The following ATXN10 variants were observed in gnomAD, a reference collection of about 807,000 sequenced individuals.
ATXN10 encodes ataxin 10.
ATXN10 carries 28 observed loss-of-function variants against 52.9 expected under a neutral mutation model. The ratio of observed to expected loss-of-function variants is 0.53; its 90% CI spans 0.39 to 0.73. The LOEUF (loss-of-function observed/expected upper bound fraction) is 0.73. ATXN10 is among the 30% of genes least tolerant of loss of function. The pLI, the probability that ATXN10 is intolerant of heterozygous loss-of-function variation, is 0.00. For synonymous variants in ATXN10, 226 were observed against 221.5 expected (o/e 1.02, Z -0.18); for missense variants, 565 against 577.0 (o/e 0.98, Z 0.21).
chr22:45,697,877 G>A (rs530820235), intron 3 of ATXN10, among the ~76,000 whole-genome samples: 5 of 151,814 alleles, frequency 3.3e-5, no homozygotes, highest in South Asian at 4.2e-4. Flanking sequence ...TGATCCGCCC[G>A]CCTCGGCCTC....
At position 45,787,093 on chromosome 22, in the gene ATXN10, T is replaced by C. The variant is rs1417998501; in HGVS notation, c.1174-19866T>C. 2.0e-5 allele frequency among the ~76,000 whole-genome samples: 3 copies of C among 152,206 alleles called. No homozygotes were observed. The highest frequency in any genetic ancestry group is 4.8e-5 in the African/African-American group (2 of 41,448). On this transcript the variant is annotated intron_variant, in intron 9 of 11. Coordinates refer to ENST00000252934, the MANE Select transcript of ATXN10 (RefSeq NM_013236.4). The surrounding 1 kb of genome is among the most constrained non-coding windows in gnomAD (Gnocchi z 4.2). ...TTAGAAAATCACATTTTCAAATAAT[T>C]TTTATTGTATGGAAAGATCTAAAAT...
chr22:45,833,919 C>G lies in ATXN10; in HGVS notation c.1238-9072C>G, dbSNP rs1260974558. On this transcript the variant is annotated intron_variant, in intron 10 of 11. Coordinates refer to ENST00000252934, the MANE Select transcript of ATXN10 (RefSeq NM_013236.4). The surrounding 1 kb of genome is among the most constrained non-coding windows in gnomAD (Gnocchi z 4.3). Reference sequence around the variant, plus strand: ...CCTGACTGCCTACTTCCAAATCCACCTTGAACACATCCAGTTGCGGGACCT... The same window carrying G: ...CCTGACTGCCTACTTCCAAATCCACGTTGAACACATCCAGTTGCGGGACCT... Among the ~76,000 whole-genome samples the G allele has an allele frequency of 6.6e-6, 1 of 152,204 alleles. No individual in the cohort carries two copies. Among genetic ancestry groups the G allele is most frequent in the Non-Finnish European group, 1.5e-5 (1 of 68,040 alleles).
intron 10 of ATXN10, among the ~76,000 whole-genome samples, chr22:45,812,251 A>G (rs1196894674): frequency 6.6e-6 from 1 of 152,200 alleles, no homozygotes; most frequent in Non-Finnish European, 1.5e-5. Context: ...ATATGTGTGC[A>G]TTTATGTCTG....
chr22:45,673,334 C>T (rs575226314), intron 1 of ATXN10: 1 of 152,376 alleles, frequency 6.6e-6, no homozygotes, highest in African/African-American at 2.4e-5. Context: ...CTTGGGTCAG[C>T]CTAGGTGATC....
chr22:45,735,589 A>G (rs534350451), intron 7 of ATXN10, among the ~76,000 whole-genome samples: 10 of 152,218 alleles, frequency 6.6e-5, no homozygotes, highest in East Asian at 1.9e-4. Context: ...AAACTGATCT[A>G]TCAACAAAGT....
At chr22:45,814,926 A>G in intron 10 of ATXN10, among the ~76,000 whole-genome samples, 1 of 152,226 alleles carries the variant, frequency 6.6e-6, no homozygotes, top group East Asian at 1.9e-4. Flanking sequence ...TTGAGGTGGA[A>G]CAGTTTCATC....
rs1405644567 is a variant in ATXN10 at position 45,715,789 on chromosome 22, A to G, written c.648-2624A>G. On this transcript the variant is annotated intron_variant, in intron 5 of 11. Coordinates refer to ENST00000252934, the MANE Select transcript of ATXN10 (RefSeq NM_013236.4). The surrounding 1 kb of genome is among the most constrained non-coding windows in gnomAD (Gnocchi z 4.4). The stretch of plus-strand genomic sequence containing the variant: ...AGGTAGACCATAGGCTGGCCTGTAC[A>G]AAAGTTTCAGTAAATGTGTAAGGGA... Among the ~76,000 whole-genome samples the G allele has an allele frequency of 6.6e-6, 1 of 152,226 alleles. No homozygotes were observed. Among genetic ancestry groups the G allele is most frequent in the Admixed American group, 6.5e-5 (1 of 15,274 alleles).
In ATXN10 at chr22:45,709,870, A is replaced by G. The variant is rs368483588; in HGVS notation, c.647+7023A>G. 1.4e-3 allele frequency among the ~76,000 whole-genome samples: 215 copies of G among 152,164 alleles called. 6 individuals carry two copies. In the South Asian group the frequency reaches 0.042, roughly 30 times the overall value. On this transcript the variant is annotated intron_variant, in intron 5 of 11. Transcript: ENST00000252934. ...TTATCCTTCAGTAACTGGTACCACC[A>G]TTTACTCGTTTGCTGAGGCCTGGAA... is the stretch of plus-strand genomic sequence containing the variant.
Position 45,787,423 on chromosome 22 carries a change from C to T in ATXN10, c.1174-19536C>T, listed in dbSNP as rs146002252. On this transcript the variant is annotated intron_variant, in intron 9 of 11. Coordinates refer to ENST00000252934, the MANE Select transcript of ATXN10 (RefSeq NM_013236.4). The surrounding 1 kb of genome is among the most constrained non-coding windows in gnomAD (Gnocchi z 4.2). ...TCCTGGCCCCTTTTCCCTCAAGGCA[C>T]TAGGGAGACAGGAGGGCCCAGGAAA... Among the ~76,000 whole-genome samples the T allele has an allele frequency of 6.6e-6, 1 of 152,302 alleles. No homozygotes were observed. Among genetic ancestry groups the T allele is most frequent in the Admixed American group, 6.5e-5 (1 of 15,300 alleles).
At chr22:45,822,955 A>C (rs899588058) in intron 10 of ATXN10, among the ~76,000 whole-genome samples, 5 of 152,148 alleles carry the variant, frequency 3.3e-5, no homozygotes, top group African/African-American at 1.2e-4. Flanking sequence ...ACTTTTTTCT[A>C]TATCCAGGAT....
chr22:45,830,683 A>G (rs545245573), intron 10 of ATXN10, among the ~76,000 whole-genome samples: 2 of 151,300 alleles, frequency 1.3e-5, no homozygotes, highest in South Asian at 2.1e-4. Context: ...GATAGCCACT[A>G]TACAAAACAA....
chr22:45,800,436 G>A (rs112824330), intron 9 of ATXN10, among the ~76,000 whole-genome samples: 4 of 152,276 alleles, frequency 2.6e-5, no homozygotes, highest in African/African-American at 7.2e-5. Flanking sequence ...TGCCTAAAAC[G>A]GCTGACAACA....
rs1928598018 is a variant in ATXN10, at chr22:45,820,061, T to A, written c.1237+13039T>A. 6.6e-6 allele frequency among the ~76,000 whole-genome samples: 1 copy of A among 152,212 alleles called. No individual in the cohort carries two copies. The highest frequency in any genetic ancestry group is 2.1e-4 in the South Asian group (1 of 4,834). ...GTTGGACTGTAACTCCTGGGCTGTT[T>A]TATTTTGAGATGATCATTTCTATCA... On this transcript the variant is annotated intron_variant, in intron 10 of 11. Transcript: ENST00000252934. This position sits in a 1 kb window ranked among gnomAD's most constrained non-coding sequence, Gnocchi z 4.9.
At chr22:45,679,023 C>T (rs189567109) in intron 1 of ATXN10, 78 of 152,314 alleles carry the variant, frequency 5.1e-4, no homozygotes, top group African/African-American at 1.8e-3. Context: ...ACACACTCTT[C>T]ATTTTCCCTC....
In ATXN10 at chr22:45,690,055, T is replaced by C; in HGVS notation, c.308+152T>C. On this transcript the variant is annotated intron_variant, in intron 2 of 11. Transcript: ENST00000252934. The surrounding 1 kb of genome is among the most constrained non-coding windows in gnomAD (Gnocchi z 4.5). ...TGGGAGGCTGAGGCAGGAGGATTGC[T>C]TGAGTCCAGGAGTTCAAGACCGGCC... 2.5e-6 allele frequency: 2 copies of C among 786,798 alleles called. No homozygotes were observed. The highest frequency in any genetic ancestry group is 4.2e-6 in the Non-Finnish European group (2 of 471,036). 48.7% of individuals were successfully genotyped at this position (786,798 alleles called of 1,614,324 possible). A position where few individuals can be genotyped will look rare whatever the true frequency, so the allele number is the denominator to read the frequency against.
At chr22:45,695,168 CA>C (rs1363055383) in intron 3 of ATXN10, among the ~76,000 whole-genome samples, 2 of 148,460 alleles carry the variant, frequency 1.3e-5, no homozygotes, top group Non-Finnish European at 3.0e-5. Context: ...AGTAAAAATA[CA>C]AAAAATTAGC....
In ATXN10 at chr22:45,736,606, T is replaced by C. The variant is rs117675442; in HGVS notation, c.895-2125T>C. ...CTTATTTGTTGGAGAAACTGGGTTG[T>C]TTTTCCTGTAGACTTTTCTAGATTT... On this transcript the variant is annotated intron_variant, in intron 7 of 11. Transcript: ENST00000252934. Among the ~76,000 whole-genome samples, 588 of 152,260 alleles carry C rather than the reference T, an allele frequency of 3.9e-3. 12 individuals are homozygous for C. The highest frequency in any genetic ancestry group is 0.025 in the Admixed American group (376 of 15,304).
At chr22:45,796,906 A>G (rs999365822) in intron 9 of ATXN10, among the ~76,000 whole-genome samples, 15 of 152,236 alleles carry the variant, frequency 9.9e-5, no homozygotes, top group African/African-American at 3.6e-4. Flanking sequence ...ATACCATGTA[A>G]ACACTTATAA....
chr22:45,793,677 A>T, intron 9 of ATXN10: 1 of 1,458,268 alleles, frequency 6.9e-7, no homozygotes, highest in Non-Finnish European at 9.1e-7. Context: ...GCATCTCAAG[A>T]GAAGTCACCA....
Sources: gnomAD v4.1 joint callset for allele counts (sites outside exome capture counted in the v4.1 genomes callset) on GRCh38, gnomAD v4.1.1 for gene constraint, Gnocchi (gnomAD v3.1) non-coding constraint, MANE v1.5 for transcripts, NCBI Gene and HGNC (gene_info 2026-07-23, HGNC 2026-07-21) for gene names.